FOXJ2: variants seen among roughly 807,000 people sequenced by gnomAD.
The protein encoded by FOXJ2 is forkhead box protein J2.
In FOXJ2, 18 loss-of-function variants were observed where a neutral mutation model predicts 68.4. The observed-to-expected ratio is 0.26, with a 90% CI of 0.18 to 0.39. FOXJ2 has a LOEUF of 0.39. Ranked by LOEUF, FOXJ2 falls within the 10% of genes least tolerant of loss-of-function variation. FOXJ2 has a pLI of 1.00. For synonymous variants in FOXJ2, 274 were observed against 263.2 expected (o/e 1.04, Z -0.40); for missense variants, 670 against 726.5 (o/e 0.92, Z 0.89).
chr12:8,045,048 T>G, intron 6 of FOXJ2, 90 bp downstream of exon 6: 1 of 1,341,442 alleles, frequency 7.5e-7, no homozygotes, highest in African/African-American at 1.5e-5. Context: ...TAGTTTTTTA[T>G]TTTTATTTTT....
At chr12:8,043,635 C>T (rs1219662546) in intron 3 of FOXJ2, 66 bp from the exon 4 acceptor site, 3 of 1,527,772 alleles carry the variant, frequency 2.0e-6, no homozygotes, top group East Asian at 4.5e-5. Context: ...TTCATTAATA[C>T]CCAGAACCCT....
At chr12:8,046,258 A>G (rs1000526223) in intron 6 of FOXJ2, among the ~76,000 whole-genome samples, 1 of 152,192 alleles carries the variant, frequency 6.6e-6, no homozygotes, top group African/African-American at 2.4e-5. Context: ...TTTTTAGTGT[A>G]TTTACATTTA....
rs1462561995 is a variant in FOXJ2 at position 8,055,260 on chromosome 12, C to T, written c.*2410C>T. The T allele has an allele frequency of 6.6e-6, 1 of 152,562 alleles. No homozygotes were observed. The highest frequency in any genetic ancestry group is 1.5e-5 in the Non-Finnish European group (1 of 68,036). 9.5% of individuals were successfully genotyped at this position (152,562 alleles called of 1,614,324 possible). A position where few individuals can be genotyped will look rare whatever the true frequency, so the allele number is the denominator to read the frequency against. On this transcript the variant is annotated 3_prime_UTR_variant, in exon 11 of 11. Transcript: ENST00000162391. ...TGTGCAAAACTGCAGAAGCTCACTGCCTATAAGAGGAAATAAGAGAGAAAG... is the reference window on the plus strand; with the variant it reads ...TGTGCAAAACTGCAGAAGCTCACTGTCTATAAGAGGAAATAAGAGAGAAAG...
chr12:8,044,651 A>G (rs1159747668), intron 5 of FOXJ2, 109 bp from the exon 6 acceptor site: 2 of 1,076,510 alleles, frequency 1.9e-6, no homozygotes, highest in Non-Finnish European at 2.8e-6. Context: ...GTCATTGAAG[A>G]GCTAGGCGAG....
In FOXJ2 at chr12:8,050,435, G is replaced by A. The variant is rs1947101118; in HGVS notation, c.1538-87G>A. 19 of 1,529,646 alleles carry A rather than the reference G, an allele frequency of 1.2e-5. No homozygotes were observed. The South Asian group carries it at 1.5e-4, about 12-fold the overall frequency. The allele number at this position is 1,529,646 out of a possible 1,614,324, so 94.8% of individuals were successfully genotyped here. On this transcript the variant is annotated intron_variant, in intron 9 of 10. Transcript: ENST00000162391. The stretch of plus-strand genomic sequence containing the variant: ...CAGGGAAGAGAGAAGGAGGATGGGA[G>A]CAAGGGTATATTTTTTTCTTCCCTG...
chr12:8,052,689 G>A (rs1947141782), intron 10 of FOXJ2, 73 bp from the exon 11 acceptor site: 2 of 1,291,366 alleles, frequency 1.5e-6, no homozygotes, highest in Admixed American at 1.9e-5. Flanking sequence ...CTGGGGCTGA[G>A]CACTGTCCTT....
Position 8,048,150 on chromosome 12 carries a change from A to G in FOXJ2, c.1086A>G (p.Val362=). ...AGAEGYGPPP[V]MAMHPPPLQH... ...CGGAAGGCTATGGGCCTCCCCCTGTAATGGCCATGCATCCACCCCCGCTGC... is the reference window on the plus strand; with the variant it reads ...CGGAAGGCTATGGGCCTCCCCCTGTGATGGCCATGCATCCACCCCCGCTGC... Residue 362 remains valine (V), a synonymous_variant, in exon 7 of 11, where the codon GTA becomes GTG. Transcript: ENST00000162391. 6.2e-7 allele frequency: 1 copy of G among 1,613,888 alleles called. No individual in the cohort carries two copies. Among genetic ancestry groups the G allele is most frequent in the Non-Finnish European group, 8.5e-7 (1 of 1,179,890 alleles).
chr12:8,046,960 A>G (rs1336721503), intron 6 of FOXJ2, among the ~76,000 whole-genome samples: 6 of 152,204 alleles, frequency 3.9e-5, no homozygotes, highest in Non-Finnish European at 8.8e-5. Context: ...AAACTGTCAG[A>G]AATAAAGTAA....
intron 6 of FOXJ2, among the ~76,000 whole-genome samples, chr12:8,046,298 A>G (rs1367405688): frequency 6.6e-6 from 1 of 152,218 alleles, no homozygotes; most frequent in East Asian, 1.9e-4. Context: ...AATTGCAAAC[A>G]GATGCAAAAG....
In FOXJ2 at chr12:8,043,785, A is replaced by G; in HGVS notation, c.477+16A>G. The G allele has an allele frequency of 3.1e-6, 5 of 1,609,302 alleles. No individual in the cohort carries two copies. In the South Asian group the frequency reaches 5.5e-5, roughly 18 times the overall value. On this transcript the variant is annotated intron_variant, in intron 4 of 10. Transcript: ENST00000162391. The stretch of plus-strand genomic sequence containing the variant: ...AGATGATGATGTAAGTTCCCAGCTC[A>G]TGAGGAGATGCCATATCTGAGCCAG...
chr12:8,043,093 T>C (rs1359855447), intron 3 of FOXJ2, among the ~76,000 whole-genome samples: 3 of 151,900 alleles, frequency 2.0e-5, no homozygotes, highest in African/African-American at 7.3e-5. Context: ...GGTACATGCC[T>C]GTAATCCCAG....
Position 8,048,019 on chromosome 12 carries a change from C to G in FOXJ2, c.955C>G (p.Gln319Glu), listed in dbSNP as rs767644243. The change falls in exon 7 of 11, where the codon CAG becomes GAG. Residue 319 changes from glutamine (Q) to glutamate (E), a missense_variant. Coordinates refer to ENST00000162391, the MANE Select transcript of FOXJ2 (RefSeq NM_018416.3). ...QPPPQQSQPQ[Q>E]QQAPAQGPSA... ...ACCTCCCCAGCAGTCCCAGCCACAG[C>G]AGCAGCAGGCACCTGCCCAGGGCCC... 3.1e-6 allele frequency: 5 copies of G among 1,614,002 alleles called. No individual in the cohort carries two copies. Among genetic ancestry groups the G allele is most frequent in the Non-Finnish European group, 4.2e-6 (5 of 1,179,948 alleles).
rs1306629804 is a variant in FOXJ2 at position 8,053,649 on chromosome 12, A to G, written c.*799A>G. The G allele has an allele frequency of 6.6e-6, 1 of 152,252 alleles. No individual in the cohort carries two copies. Among genetic ancestry groups the G allele is most frequent in the Non-Finnish European group, 1.5e-5 (1 of 68,050 alleles). The allele number at this position is 152,252 out of a possible 1,614,324, so 9.4% of individuals were successfully genotyped here. ...AAGAAGATAGGATTGGTTTTAGCCC[A>G]AACTCTGCTTCTATGGTAGGGCATG... On this transcript the variant is annotated 3_prime_UTR_variant, in exon 11 of 11. Coordinates refer to ENST00000162391, the MANE Select transcript of FOXJ2 (RefSeq NM_018416.3). The surrounding 1 kb of genome is among the most constrained non-coding windows in gnomAD (Gnocchi z 4.1).
At chr12:8,050,738 C>T (rs1947105591) in intron 10 of FOXJ2, 118 bp downstream of exon 10, 1 of 1,152,588 alleles carries the variant, frequency 8.7e-7, no homozygotes, top group Non-Finnish European at 1.3e-6. Context: ...AGGGAATGAG[C>T]CTTTATAATT....
intron 2 of FOXJ2, among the ~76,000 whole-genome samples, chr12:8,041,346 C>T (rs760899292): frequency 5.3e-5 from 8 of 151,610 alleles, no homozygotes; most frequent in Non-Finnish European, 8.8e-5. Context: ...GGATTACAGG[C>T]GCCTGCCACT....
Position 8,039,805 on chromosome 12 carries a change from T to C in FOXJ2, c.-14-14T>C. ...GCCCCCAGTATTTTCGTCTCCTCTT[T>C]GTCTTCTCTGCAGAACCCAGAAGTA... On this transcript the variant is annotated splice_polypyrimidine_tract_variant and intron_variant, in intron 1 of 10. Transcript: ENST00000162391. The C allele has an allele frequency of 6.3e-7, 1 of 1,589,676 alleles. No homozygotes were observed. The highest frequency in any genetic ancestry group is 8.6e-7 in the Non-Finnish European group (1 of 1,165,662).
chr12:8,052,783 C>T lies in FOXJ2; in HGVS notation c.1658C>T (p.Pro553Leu). 1.2e-6 allele frequency: 2 copies of T among 1,610,554 alleles called. No homozygotes were observed. The highest frequency in any genetic ancestry group is 1.1e-5 in the South Asian group (1 of 90,390). ...ACAGCACACCATATGGTCCCTCGGCCATCAGTGCCACCTCCTGGTGCCAAT... is the reference window on the plus strand; with the variant it reads ...ACAGCACACCATATGGTCCCTCGGCTATCAGTGCCACCTCCTGGTGCCAAT... Reference protein sequence around the residue: ...NRPAHHMVPRPSVPPPGANEE... With the variant: ...NRPAHHMVPRLSVPPPGANEE... Residue 553 changes from proline to leucine, a missense_variant, in exon 11 of 11, where the codon CCA becomes CTA. Transcript: ENST00000162391.
At position 8,054,747 on chromosome 12, in the gene FOXJ2, TGGCAAAATGCC is replaced by T. The variant is rs1240249732; in HGVS notation, c.*1898_*1908del. On this transcript the variant is annotated 3_prime_UTR_variant, in exon 11 of 11. Coordinates refer to ENST00000162391, the MANE Select transcript of FOXJ2 (RefSeq NM_018416.3). Reference sequence around the variant, plus strand: ...GGAAAGGAGAATTTCTCTTAGAGGGTGGCAAAATGCCTTTGCCCAGTGTCCCTATTTTAGGC... The same window carrying T: ...GGAAAGGAGAATTTCTCTTAGAGGGTTTTGCCCAGTGTCCCTATTTTAGGC... 2.0e-5 allele frequency: 3 copies of T among 152,360 alleles called. No individual in the cohort carries two copies. The highest frequency in any genetic ancestry group is 4.4e-5 in the Non-Finnish European group (3 of 68,046). 9.4% of individuals were successfully genotyped at this position (152,360 alleles called of 1,614,324 possible).
At chr12:8,047,235 C>A (rs966899596) in intron 6 of FOXJ2, among the ~76,000 whole-genome samples, 1 of 152,074 alleles carries the variant, frequency 6.6e-6, no homozygotes, top group Non-Finnish European at 1.5e-5. Flanking sequence ...GGCGGATCAC[C>A]TGAAGTCAGG....
Sources: allele counts gnomAD v4.1 joint callset (sites outside exome capture counted in the v4.1 genomes callset), GRCh38; gene constraint gnomAD v4.1.1; non-coding constraint Gnocchi (gnomAD v3.1); transcripts MANE v1.5; gene names NCBI Gene and HGNC (gene_info 2026-07-23, HGNC 2026-07-21).